Variants in ZNF138 observed in about 807,000 individuals in gnomAD.
ZNF138 encodes the protein zinc finger protein 138 (clone pHZ-32).
A neutral mutation model predicts 33.0 loss-of-function variants in ZNF138; 33 were observed. The observed-to-expected ratio is 1.00, with a 90% CI of 0.76 to 1.34. ZNF138 has a LOEUF of 1.34. Among genes scored for constraint, ZNF138 ranks in the 40% most tolerant of loss-of-function variants. The probability of loss-of-function intolerance (pLI) is 0.00; values close to 1 mark genes in which losing one functional copy is unlikely to be tolerated. For missense variants in ZNF138, 360 were observed against 370.8 expected, an observed-to-expected ratio of 0.97 and a Z score of 0.24; for synonymous variants, 139 against 120.4, an observed-to-expected ratio of 1.15 and a Z score of -1.01.
At chr7:64,849,109 C>A in the ZNF138 span, among the ~76,000 whole-genome samples, 1 of 152,206 alleles carries the variant, frequency 6.6e-6, no homozygotes. Context: ...AGTGTCAACA[C>A]TACTGTTCAG....
chr7:64,802,001 C>T (rs958153026), intron 1 of ZNF138, among the ~76,000 whole-genome samples: 3 of 152,158 alleles, frequency 2.0e-5, no homozygotes, highest in Non-Finnish European at 2.9e-5. Flanking sequence ...GTGACCATGG[C>T]CTGTGACACA....
At position 64,794,635 on chromosome 7, in the gene ZNF138, T is replaced by C. The variant is rs1583751460; in HGVS notation, c.3+64T>C. On this transcript the variant is annotated intron_variant, in intron 1 of 3. Transcript: ENST00000307355. Reference sequence around the variant, plus strand: ...GGAGCTGGTTGGAACCGGTCGGAAGTGGCTGTGGCAGTACTCGGGTCTTCC... The same window carrying C: ...GGAGCTGGTTGGAACCGGTCGGAAGCGGCTGTGGCAGTACTCGGGTCTTCC... 2.9e-5 allele frequency: 47 copies of C among 1,609,966 alleles called. 1 individual carries two copies. The South Asian group carries it at 4.0e-4, about 14-fold the overall frequency.
intron 1 of ZNF138, among the ~76,000 whole-genome samples, chr7:64,811,499 C>G (rs539133431): frequency 6.6e-6 from 1 of 152,250 alleles, no homozygotes; most frequent in South Asian, 2.1e-4. Flanking sequence ...GCACCCGCCA[C>G]CATGCCCAAC....
intron 1 of ZNF138, 95 bp from the exon 2 acceptor site, chr7:64,814,815 TCAGTTTTC>T: frequency 1.4e-6 from 2 of 1,437,820 alleles, no homozygotes; most frequent in Non-Finnish European, 1.9e-6. Context: ...TAAGACATAA[TCAGTTTTC>T]CTTACTGTCT....
At chr7:64,814,828 C>A in intron 1 of ZNF138, 90 bp from the exon 2 acceptor site, 1 of 1,512,828 alleles carries the variant, frequency 6.6e-7, no homozygotes, top group Non-Finnish European at 9.0e-7. Flanking sequence ...GTTTTCCTTA[C>A]TGTCTTATTT....
At chr7:64,824,708 A>G (rs968075322) in intron 3 of ZNF138, among the ~76,000 whole-genome samples, 5 of 152,196 alleles carry the variant, frequency 3.3e-5, no homozygotes, top group Non-Finnish European at 7.3e-5. Flanking sequence ...TTAGTATTAC[A>G]TAATATCAGT....
chr7:64,812,900 C>G (rs1165487012), intron 1 of ZNF138, among the ~76,000 whole-genome samples: 1 of 149,540 alleles, frequency 6.7e-6, no homozygotes, highest in East Asian at 2.0e-4. Flanking sequence ...AGAACTGTGT[C>G]CACTCTTCCT....
intron 1 of ZNF138, among the ~76,000 whole-genome samples, chr7:64,810,315 C>T (rs1190822143): frequency 6.8e-6 from 1 of 146,496 alleles, no homozygotes; most frequent in Non-Finnish European, 1.5e-5. Flanking sequence ...GGCGTGGTGG[C>T]GCGAGCCTGC....
At chr7:64,802,749 C>A (rs1443698587) in intron 1 of ZNF138, among the ~76,000 whole-genome samples, 6 of 152,150 alleles carry the variant, frequency 3.9e-5, no homozygotes, top group Non-Finnish European at 7.3e-5. Context: ...CCTCCCCCAT[C>A]TTTTGCCCAC....
At chr7:64,850,097 A>G in the ZNF138 span, among the ~76,000 whole-genome samples, 14 of 152,198 alleles carry the variant, frequency 9.2e-5, no homozygotes, top group Non-Finnish European at 1.6e-4. Flanking sequence ...ATGGCTTCCC[A>G]GAAGACTCAG....
At chr7:64,803,747 T>C (rs1188387691) in intron 1 of ZNF138, among the ~76,000 whole-genome samples, 2 of 152,218 alleles carry the variant, frequency 1.3e-5, no homozygotes, top group Non-Finnish European at 2.9e-5. Flanking sequence ...TTACAGACAA[T>C]TTTTAAAAAT....
At chr7:64,841,081 C>T in the ZNF138 span, among the ~76,000 whole-genome samples, 1 of 151,898 alleles carries the variant, frequency 6.6e-6, no homozygotes, top group African/African-American at 2.4e-5. Flanking sequence ...TTTTTCCTTG[C>T]CTAGTACTCA....
Position 64,832,338 on chromosome 7 carries a change from G to C in ZNF138, c.*136G>C. 6.4e-7 allele frequency: 1 copy of C among 1,569,568 alleles called. No individual in the cohort carries two copies. The highest frequency in any genetic ancestry group is 8.6e-7 in the Non-Finnish European group (1 of 1,162,640). ...TAGCGGAGAGAAACCCCACAAATGT[G>C]AAGAATGTGGCAGAGCTTTTAACCA... On this transcript the variant is annotated 3_prime_UTR_variant, in exon 4 of 4. Transcript: ENST00000307355.
chr7:64,830,913 C>T (rs1418089060), intron 3 of ZNF138: 35 of 1,543,484 alleles, frequency 2.3e-5, no homozygotes, highest in Non-Finnish European at 2.5e-5. Flanking sequence ...TAGTCACTTG[C>T]TACAACTGTT....
intron 3 of ZNF138, among the ~76,000 whole-genome samples, chr7:64,829,146 T>C (rs1015784028): frequency 7.9e-5 from 12 of 152,180 alleles, no homozygotes; most frequent in African/African-American, 2.9e-4. Flanking sequence ...GAGAATGTTG[T>C]ATGAGCTATT....
the ZNF138 span, among the ~76,000 whole-genome samples, chr7:64,859,437 C>T: frequency 6.6e-6 from 1 of 152,120 alleles, no homozygotes; most frequent in African/African-American, 2.4e-5. Context: ...GTGACTCAAA[C>T]AATTCTCAAA....
intron 1 of ZNF138, among the ~76,000 whole-genome samples, chr7:64,810,485 G>GT (rs143941319): frequency 0.011 from 1,601 of 151,298 alleles, 15 homozygotes; most frequent in Middle Eastern, 0.017. Flanking sequence ...GCGTATTTCT[G>GT]TTTCTTATGC....
At position 64,832,724 on chromosome 7, in the gene ZNF138, GA is replaced by G; in HGVS notation, c.*523del. On this transcript the variant is annotated 3_prime_UTR_variant, in exon 4 of 4. Coordinates refer to ENST00000307355, the MANE Select transcript of ZNF138 (RefSeq NM_001271639.2). ...AGTCCTCAACTCTTACTGCACATAAGATCATTCATACTGGAGAGAAACCTTA... is the reference window on the plus strand; with the variant it reads ...AGTCCTCAACTCTTACTGCACATAAGTCATTCATACTGGAGAGAAACCTTA... 2 of 446,794 alleles carry G rather than the reference GA, an allele frequency of 4.5e-6. No homozygotes were observed. Among genetic ancestry groups the G allele is most frequent in the South Asian group, 3.5e-5 (2 of 56,768 alleles). 27.7% of individuals were successfully genotyped at this position (446,794 alleles called of 1,614,324 possible).
intron 1 of ZNF138, among the ~76,000 whole-genome samples, chr7:64,807,133 T>C (rs750920622): frequency 6.6e-6 from 1 of 152,226 alleles, no homozygotes; most frequent in Non-Finnish European, 1.5e-5. Context: ...TAATCTGATA[T>C]CTATAGAAAC....
Sources: gnomAD v4.1 joint callset for allele counts (sites outside exome capture counted in the v4.1 genomes callset) on GRCh38, gnomAD v4.1.1 for gene constraint, MANE v1.5 for transcripts, NCBI Gene and HGNC (gene_info 2026-07-23, HGNC 2026-07-21) for gene names.